The following CHRNB4 variants were observed in gnomAD, a reference collection of about 807,000 sequenced individuals.
CHRNB4 encodes neuronal acetylcholine receptor subunit beta-4.
In CHRNB4, 23 loss-of-function variants were observed where a neutral mutation model predicts 40.4. The ratio of observed to expected loss-of-function variants is 0.57; its 90% CI spans 0.41 to 0.81. The LOEUF (loss-of-function observed/expected upper bound fraction) is 0.81, where lower values mean the gene tolerates loss of function less well. CHRNB4 is among the 30% of genes least tolerant of loss of function. The pLI is 0.00. For synonymous variants in CHRNB4, 285 were observed against 274.4 expected (o/e 1.04, Z -0.38); for missense variants, 568 against 670.6 (o/e 0.85, Z 1.69).
upstream of CHRNB4, among the ~76,000 whole-genome samples, chr15:78,646,166 G>A (rs1465206150): frequency 6.6e-6 from 1 of 152,120 alleles, no homozygotes; most frequent in East Asian, 1.9e-4. Context: ...ATGTTGAGGG[G>A]GATGTACAAA....
At chr15:78,661,345 A>G, upstream of CHRNB4, 2 of 560,654 alleles carry the variant, frequency 3.6e-6, no homozygotes, top group Non-Finnish European at 6.9e-6. Flanking sequence ...GAACCCGCAC[A>G]TCATCCATTA....
chr15:78,657,548 A>ATATTTATT (rs888787419), intron 2 of CHRNB4, among the ~76,000 whole-genome samples: 1 of 151,864 alleles, frequency 6.6e-6, no homozygotes, highest in Non-Finnish European at 1.5e-5. Flanking sequence ...TGCTAGAGGC[A>ATATTTATT]TATTTATTTA....
chr15:78,643,226 T>C (rs1286574584), upstream of CHRNB4, among the ~76,000 whole-genome samples: 1 of 151,592 alleles, frequency 6.6e-6, no homozygotes, highest in Non-Finnish European at 1.5e-5. Context: ...AAGGGCAGAG[T>C]CAACATCAGA....
chr15:78,628,935 G>C (rs777526679), intron 5 of CHRNB4, 32 bp downstream of exon 5: 1 of 1,583,284 alleles, frequency 6.3e-7, no homozygotes, highest in South Asian at 1.2e-5. Context: ...CTTTCTGTTG[G>C]GCAGGTGGGC....
intron 7 of CHRNB4, among the ~76,000 whole-genome samples, chr15:78,648,246 A>G (rs1235678091): frequency 6.6e-6 from 1 of 151,580 alleles, no homozygotes; most frequent in African/African-American, 2.4e-5. Flanking sequence ...ACAAAAAATT[A>G]GCTGGGTGTG....
Position 78,629,906 on chromosome 15 carries a change from C to G in CHRNB4, c.399G>C (p.Leu133Phe), listed in dbSNP as rs1567115734. The G allele has an allele frequency of 2.5e-6, 4 of 1,608,942 alleles. No individual in the cohort carries two copies. The highest frequency in any genetic ancestry group is 3.4e-6 in the Non-Finnish European group (4 of 1,178,908). The change falls in exon 5 of 6, where the codon TTG becomes TTC. Residue 133 changes from leucine to phenylalanine, a missense_variant. Physicochemically the swap from Leu to Phe is conservative, Grantham distance 22 (BLOSUM62 0). Coordinates refer to ENST00000261751, the MANE Select transcript of CHRNB4 (RefSeq NM_000750.5). The surrounding 1 kb of genome is among the most constrained non-coding windows in gnomAD (Gnocchi z 6.8). ...GGACGCTGCCGTTGGACCGGACTAT[C>G]AAGTTGGTGTAGACAGACACCTCAT... Reference protein sequence around the residue: ...GTYEVSVYTNLIVRSNGSVLW... With the variant: ...GTYEVSVYTNFIVRSNGSVLW...
chr15:78,647,142 G>C (rs1173547725), intron 7 of CHRNB4, among the ~76,000 whole-genome samples: 1 of 151,896 alleles, frequency 6.6e-6, no homozygotes, highest in Non-Finnish European at 1.5e-5. Context: ...TGTCTCAGGA[G>C]AAAAAAATAT....
At chr15:78,631,209 T>A (rs757408203) in intron 3 of CHRNB4, 24 bp from the exon 4 acceptor site, 7 of 1,613,158 alleles carry the variant, frequency 4.3e-6, no homozygotes, top group Non-Finnish European at 1.7e-6. Flanking sequence ...CAAGGCCCTG[T>A]CACTTGCAGG....
chr15:78,637,371 CAG>C (rs1302666200), intron 1 of CHRNB4, among the ~76,000 whole-genome samples: 1 of 152,034 alleles, frequency 6.6e-6, no homozygotes, highest in African/African-American at 2.4e-5. Context: ...AAGGGAGACT[CAG>C]AGGAGACTCA....
At chr15:78,625,648 C>T (rs1412246105) in intron 5 of CHRNB4, among the ~76,000 whole-genome samples, 1 of 152,206 alleles carries the variant, frequency 6.6e-6, no homozygotes, top group Non-Finnish European at 1.5e-5. Flanking sequence ...GCCCCAACTT[C>T]TCATTTTTAC....
At chr15:78,630,945 C>A in intron 4 of CHRNB4, 131 bp downstream of exon 4, 1 of 702,458 alleles carries the variant, frequency 1.4e-6, no homozygotes, top group Non-Finnish European at 2.5e-6. Flanking sequence ...TCTCTTCTAG[C>A]TTGATGGCCT....
At chr15:78,648,150 T>G (rs1001509346) in intron 7 of CHRNB4, among the ~76,000 whole-genome samples, 1 of 151,806 alleles carries the variant, frequency 6.6e-6, no homozygotes, top group Non-Finnish European at 1.5e-5. Flanking sequence ...TCCCAGCACT[T>G]TGGAAGGCCT....
At chr15:78,633,607 C>A (rs1410302927) in intron 2 of CHRNB4, among the ~76,000 whole-genome samples, 2 of 152,122 alleles carry the variant, frequency 1.3e-5, no homozygotes, top group Admixed American at 1.3e-4. Context: ...AACTTACCCC[C>A]TGAGCTTCCA....
In CHRNB4 at chr15:78,635,569, T is replaced by C. The variant is rs148026201; in HGVS notation, c.74A>G (p.Asn25Ser). 5 of 1,614,126 alleles carry C rather than the reference T, an allele frequency of 3.1e-6. No individual in the cohort carries two copies. The highest frequency in any genetic ancestry group is 1.7e-5 in the Admixed American group (1 of 60,014). ...LCGRGNCRVA[N>S]AEEKLMDDLL... Reference sequence around the variant, plus strand: ...GTCGTCCATCAGCTTTTCCTCCGCATTGGCCACGCGGCAGTTCCCTGAGAA... The same window carrying C: ...GTCGTCCATCAGCTTTTCCTCCGCACTGGCCACGCGGCAGTTCCCTGAGAA... Residue 25 changes from asparagine to serine, a missense_variant, in exon 2 of 6, where the codon AAT (asparagine) becomes AGT (serine). Coordinates refer to ENST00000261751, the MANE Select transcript of CHRNB4 (RefSeq NM_000750.5).
chr15:78,659,010 T>C (rs1596127356), intron 1 of CHRNB4, among the ~76,000 whole-genome samples: 1 of 152,334 alleles, frequency 6.6e-6, no homozygotes, highest in East Asian at 1.9e-4. Flanking sequence ...ATACATTAAC[T>C]GAGCATGTAC....
intron 7 of CHRNB4, among the ~76,000 whole-genome samples, chr15:78,648,910 C>T (rs1430749220): frequency 6.6e-6 from 1 of 152,112 alleles, no homozygotes; most frequent in African/African-American, 2.4e-5. Context: ...TCCCAAGTAG[C>T]TGAGACCACA....
chr15:78,660,371 T>C (rs2054242139), intron 1 of CHRNB4: 1 of 152,322 alleles, frequency 6.6e-6, no homozygotes, highest in African/African-American at 2.4e-5. Context: ...TGGCTCACCC[T>C]TAAATTGTTT....
At chr15:78,643,022 C>G (rs1244116121), upstream of CHRNB4, among the ~76,000 whole-genome samples, 1 of 152,058 alleles carries the variant, frequency 6.6e-6, no homozygotes, top group Non-Finnish European at 1.5e-5. Context: ...TCACAATAAG[C>G]CTTTTAGGAT....
chr15:78,631,397 T>G (rs2053808712), intron 2 of CHRNB4, 65 bp from the exon 3 acceptor site: 1 of 1,544,518 alleles, frequency 6.5e-7, no homozygotes, highest in Non-Finnish European at 8.9e-7. Context: ...GATTGCACTT[T>G]ATTGTGCAAA....
Sources: allele counts gnomAD v4.1 joint callset (sites outside exome capture counted in the v4.1 genomes callset), GRCh38; gene constraint gnomAD v4.1.1; non-coding constraint Gnocchi (gnomAD v3.1); transcripts MANE v1.5; gene names NCBI Gene and HGNC (gene_info 2026-07-23, HGNC 2026-07-21).